The following GRIK2 variants were observed in gnomAD, a reference collection of about 807,000 sequenced individuals.
GRIK2 encodes the protein glutamate receptor ionotropic, kainate 2.
In GRIK2, 32 loss-of-function variants were observed where a neutral mutation model predicts 100.3. The ratio of observed to expected loss-of-function variants is 0.32; its 90% CI spans 0.24 to 0.43. The LOEUF (loss-of-function observed/expected upper bound fraction) is 0.43. Among genes scored for constraint, GRIK2 ranks in the 20% least tolerant of loss-of-function variants. GRIK2 has a pLI of 1.00. For synonymous variants in GRIK2, 417 were observed against 389.4 expected (o/e 1.07, Z -0.83); for missense variants, 843 against 1,114.9 (o/e 0.76, Z 3.47).
intron 2 of GRIK2, among the ~76,000 whole-genome samples, chr6:101,484,232 T>C (rs548373838): frequency 6.6e-6 from 1 of 152,190 alleles, no homozygotes. Flanking sequence ...ACCATCCATA[T>C]TTAATAGCAT....
intron 2 of GRIK2, among the ~76,000 whole-genome samples, chr6:101,538,275 G>A (rs1245098700): frequency 2.0e-5 from 3 of 151,644 alleles, no homozygotes; most frequent in African/African-American, 7.3e-5. Context: ...ATATAAATTT[G>A]ACAGTAAAGT....
rs144566728 is a variant in GRIK2 at position 101,786,608 on chromosome 6, G to A, written c.952-13040G>A. Reference sequence around the variant, plus strand: ...GTATTACATTTATTGTTTTATGCAGGTTGAACCATCCTTGAGCTCCTGGAA... The same window carrying A: ...GTATTACATTTATTGTTTTATGCAGATTGAACCATCCTTGAGCTCCTGGAA... On this transcript the variant is annotated intron_variant, in intron 7 of 16. Transcript: ENST00000369134. Among the ~76,000 whole-genome samples the A allele has an allele frequency of 6.5e-4, 99 of 152,160 alleles. 1 individual carries two copies. The highest frequency in any genetic ancestry group is 2.2e-3 in the African/African-American group (90 of 41,540).
intron 2 of GRIK2, among the ~76,000 whole-genome samples, chr6:101,616,391 A>G (rs183210883): frequency 1.3e-5 from 2 of 151,800 alleles, no homozygotes; most frequent in African/African-American, 4.8e-5. Context: ...TCAAATGCCT[A>G]TCATCTAAAA....
chr6:101,728,197 G>A (rs903274976), intron 7 of GRIK2, among the ~76,000 whole-genome samples: 4 of 151,998 alleles, frequency 2.6e-5, no homozygotes, highest in African/African-American at 9.7e-5. Context: ...TAATTTGGAA[G>A]CAAAATGAAG....
chr6:102,065,790 T>G, intron 16 of GRIK2: 2 of 1,510,026 alleles, frequency 1.3e-6, no homozygotes, highest in Non-Finnish European at 1.8e-6. Flanking sequence ...GTTAAATGTT[T>G]CAACAGAGAG....
At chr6:101,811,314 C>T (rs905178760) in intron 9 of GRIK2, among the ~76,000 whole-genome samples, 1 of 152,016 alleles carries the variant, frequency 6.6e-6, no homozygotes, top group Non-Finnish European at 1.5e-5. Context: ...ATTCTCCTGA[C>T]ATTAAGTCAA....
chr6:101,711,506 A>G (rs981922426), intron 7 of GRIK2, among the ~76,000 whole-genome samples: 7 of 151,956 alleles, frequency 4.6e-5, no homozygotes, highest in Non-Finnish European at 8.8e-5. Context: ...AAACTCTATA[A>G]TGCAATACTT....
chr6:101,666,321 G>T (rs1437262815), intron 4 of GRIK2, among the ~76,000 whole-genome samples: 1 of 152,168 alleles, frequency 6.6e-6, no homozygotes, highest in East Asian at 1.9e-4. Context: ...GCAATGACCT[G>T]TAACAATGTG....
At chr6:101,970,640 G>A (rs189614541) in intron 14 of GRIK2, among the ~76,000 whole-genome samples, 43 of 151,968 alleles carry the variant, frequency 2.8e-4, no homozygotes, top group African/African-American at 9.6e-4. Flanking sequence ...AAACGACATG[G>A]CACACTGGTG....
At chr6:101,501,216 G>A (rs919681889) in intron 2 of GRIK2, among the ~76,000 whole-genome samples, 5 of 152,024 alleles carry the variant, frequency 3.3e-5, no homozygotes, top group South Asian at 2.1e-4. Context: ...AAACAAATTT[G>A]GGAGAGGATT....
rs1307955278 is a variant in GRIK2 at position 101,964,783 on chromosome 6, CT to C, written c.2085+36156del. 3.9e-5 allele frequency among the ~76,000 whole-genome samples: 6 copies of C among 152,184 alleles called. No homozygotes were observed. The East Asian group carries it at 1.2e-3, about 29-fold the overall frequency. On this transcript the variant is annotated intron_variant, in intron 14 of 16. Coordinates refer to ENST00000369134, the MANE Select transcript of GRIK2 (RefSeq NM_021956.5). ...CCACAGTAAGAAACAAGCTCAAAGA[CT>C]TTTTACTTATGGATCCTAGGCAGGG...
chr6:101,781,611 C>T (rs1298391273), intron 7 of GRIK2, among the ~76,000 whole-genome samples: 1 of 151,582 alleles, frequency 6.6e-6, no homozygotes, highest in African/African-American at 2.4e-5. Flanking sequence ...TACATACATA[C>T]ATTATGTATA....
intron 2 of GRIK2, among the ~76,000 whole-genome samples, chr6:101,433,539 C>T (rs953802): frequency 0.045 from 6,773 of 152,148 alleles, 321 homozygotes; most frequent in African/African-American, 0.1. Flanking sequence ...TTTATTATTG[C>T]TTATGTTTTT....
intron 4 of GRIK2, among the ~76,000 whole-genome samples, chr6:101,675,313 C>CACACAA (rs1402194110): frequency 6.7e-6 from 1 of 149,348 alleles, no homozygotes; most frequent in African/African-American, 2.6e-5. Flanking sequence ...ACACCACACA[C>CACACAA]ACACACACAC....
intron 12 of GRIK2, among the ~76,000 whole-genome samples, chr6:101,899,070 T>A (rs1191523192): frequency 6.6e-6 from 1 of 150,960 alleles, no homozygotes; most frequent in Non-Finnish European, 1.5e-5. Context: ...TATACATATA[T>A]AGAAAGAGAG....
chr6:101,426,672 CCT>C (rs1444332371), intron 2 of GRIK2, among the ~76,000 whole-genome samples: 2 of 152,040 alleles, frequency 1.3e-5, no homozygotes, highest in Non-Finnish European at 2.9e-5. Context: ...TGGTGTAGCC[CCT>C]GTCATATTTG....
intron 2 of GRIK2, among the ~76,000 whole-genome samples, chr6:101,583,025 A>C (rs1778176520): frequency 1.3e-5 from 2 of 152,150 alleles, no homozygotes; most frequent in Admixed American, 6.6e-5. Context: ...CAATGAAATA[A>C]GGAGACAATC....
rs553665634 is a variant in GRIK2, at chr6:101,940,502, C to T, written c.2085+11870C>T. ...TTATTTTTTCTGCATTGTTAGTAAC[C>T]ATGTAATAGCTGTCACGTCTACCTT... On this transcript the variant is annotated intron_variant, in intron 14 of 16. Transcript: ENST00000369134. Among the ~76,000 whole-genome samples, 5 of 152,070 alleles carry T rather than the reference C, an allele frequency of 3.3e-5. No homozygotes were observed. In the East Asian group the frequency reaches 9.6e-4, roughly 29 times the overall value.
intron 2 of GRIK2, among the ~76,000 whole-genome samples, chr6:101,576,857 A>C (rs1261679119): frequency 6.6e-6 from 1 of 151,858 alleles, no homozygotes; most frequent in East Asian, 1.9e-4. Context: ...TGTGGCAAGT[A>C]CTAGAGAGAC....
Sources: allele counts gnomAD v4.1 joint callset (sites outside exome capture counted in the v4.1 genomes callset), GRCh38; gene constraint gnomAD v4.1.1; transcripts MANE v1.5; gene names NCBI Gene and HGNC (gene_info 2026-07-23, HGNC 2026-07-21).